CHAMP1: variants seen among roughly 807,000 people sequenced by gnomAD.
CHAMP1 encodes chromosome alignment-maintaining phosphoprotein 1.
A neutral mutation model predicts 54.5 loss-of-function variants in CHAMP1; 4 were observed. The ratio of observed to expected loss-of-function variants is 0.07; its 90% confidence interval spans 0.04 to 0.17. CHAMP1 has a LOEUF of 0.17. Ranked by LOEUF, CHAMP1 falls within the 10% of genes least tolerant of loss-of-function variation. CHAMP1 has a pLI of 1.00. For synonymous variants in CHAMP1, 368 were observed against 342.2 expected (o/e 1.08, Z -0.83); for missense variants, 994 against 968.6 (o/e 1.03, Z -0.35).
rs782243051 is a variant in CHAMP1 at position 114,325,451 on chromosome 13, A to G, written c.1609A>G (p.Thr537Ala). ...KPALFPEPAK[T>A]APPASPEARK... ...TGCCCTGTTTCCCGAGCCTGCCAAA[A>G]CAGCCCCTCCTGCTTCTCCAGAAGC... The change falls in exon 3 of 3, where the codon ACA becomes GCA. Residue 537 changes from threonine to alanine, a missense_variant. Coordinates refer to ENST00000361283, the MANE Select transcript of CHAMP1 (RefSeq NM_032436.4). 6.2e-7 allele frequency: 1 copy of G among 1,614,116 alleles called. No homozygotes were observed. Among genetic ancestry groups the G allele is most frequent in the Non-Finnish European group, 8.5e-7 (1 of 1,180,022 alleles).
intron 1 of CHAMP1, among the ~76,000 whole-genome samples, chr13:114,315,835 GTT>G (rs1194478086): frequency 4.6e-5 from 6 of 129,936 alleles, no homozygotes; most frequent in Admixed American, 7.7e-5. Context: ...GGCAAGTTTT[GTT>G]TTTTTTTTTT....
chr13:114,326,130 G>C lies in CHAMP1; in HGVS notation c.2288G>C (p.Ser763Thr). Residue 763 changes from serine to threonine, a missense_variant, in exon 3 of 3, where the codon AGT becomes ACT. Coordinates refer to ENST00000361283, the MANE Select transcript of CHAMP1 (RefSeq NM_032436.4). ...LKNHVAAHGQ[S>T]LLKCPRCNFE... ...AATCATGTAGCAGCCCATGGGCAAA[G>C]TTTACTTAAATGTCCACGTTGTAAT... 2.5e-6 allele frequency: 4 copies of C among 1,613,436 alleles called. No individual in the cohort carries two copies. Among genetic ancestry groups the C allele is most frequent in the Non-Finnish European group, 2.5e-6 (3 of 1,179,632 alleles).
chr13:114,323,979 C>T lies in CHAMP1; in HGVS notation c.137C>T (p.Ala46Val). The T allele has an allele frequency of 1.2e-6, 2 of 1,614,120 alleles. No homozygotes were observed. The highest frequency in any genetic ancestry group is 2.2e-5 in the East Asian group (1 of 44,880). Residue 46 changes from alanine (A) to valine (V), a missense_variant, in exon 3 of 3, where the codon GCT becomes GTT. Transcript: ENST00000361283. ...IHPEFCDEMD[A>V]GGLGKMIFYQ... The stretch of plus-strand genomic sequence containing the variant: ...CCAGAATTTTGTGATGAAATGGATG[C>T]TGGTGGGCTAGGCAAAATGATATTT...
chr13:114,322,816 C>T (rs2087191291), intron 2 of CHAMP1: 1 of 152,186 alleles, frequency 6.6e-6, no homozygotes, highest in Admixed American at 6.5e-5. Context: ...TCAATATATG[C>T]TTAGGACATT....
chr13:114,320,317 A>C (rs9590518), intron 1 of CHAMP1, among the ~76,000 whole-genome samples: 1 of 152,088 alleles, frequency 6.6e-6, no homozygotes, highest in Admixed American at 6.5e-5. Flanking sequence ...AAGCAGGTCC[A>C]TGTGTTCTTC....
At chr13:114,315,330 G>C (rs984162855) in intron 1 of CHAMP1, among the ~76,000 whole-genome samples, 3 of 152,152 alleles carry the variant, frequency 2.0e-5, no homozygotes, top group African/African-American at 7.2e-5. Flanking sequence ...GGGAAAGTAG[G>C]GTGGTGCAGC....
intron 2 of CHAMP1, among the ~76,000 whole-genome samples, chr13:114,321,567 T>G (rs1312409658): frequency 6.6e-6 from 1 of 152,198 alleles, no homozygotes; most frequent in Non-Finnish European, 1.5e-5. Flanking sequence ...TGTAATATAG[T>G]GCTCTTTAAT....
At chr13:114,323,345 C>T (rs2087196619) in intron 2 of CHAMP1, 1 of 152,832 alleles carries the variant, frequency 6.5e-6, no homozygotes, top group African/African-American at 2.4e-5. Flanking sequence ...AAGTTTTAGT[C>T]TCTTGTTCAT....
chr13:114,325,492 T>G lies in CHAMP1; in HGVS notation c.1650T>G (p.Leu550=), dbSNP rs782820739. 7.4e-6 allele frequency: 12 copies of G among 1,613,990 alleles called. No individual in the cohort carries two copies. The highest frequency in any genetic ancestry group is 1.0e-5 in the Non-Finnish European group (12 of 1,180,034). The change falls in exon 3 of 3, where the codon CTT becomes CTG. Residue 550 remains leucine, a synonymous_variant. Transcript: ENST00000361283. ...PASPEARKRA[L]FPEPRKHALF... is the part of the protein sequence containing the mutation. ...CTCCAGAAGCACGCAAACGTGCCCT[T>G]TTTCCAGAGCCCCGGAAGCATGCCC...
At position 114,325,318 on chromosome 13, in the gene CHAMP1, C is replaced by T. The variant is rs782678181; in HGVS notation, c.1476C>T (p.Val492=). The T allele has an allele frequency of 5.6e-6, 9 of 1,614,164 alleles. No individual in the cohort carries two copies. The highest frequency in any genetic ancestry group is 1.6e-4 in the Middle Eastern group (1 of 6,062). ...SSFFIEPQKP[V]FPETRKPGPS... is the part of the protein sequence containing the mutation. ...TTTTTATTGAGCCTCAGAAACCTGT[C>T]TTCCCTGAGACCCGAAAACCAGGTC... is the stretch of plus-strand genomic sequence containing the variant. Residue 492 remains valine (V), a synonymous_variant, in exon 3 of 3, where the codon GTC becomes GTT. Transcript: ENST00000361283.
chr13:114,321,728 A>G (rs938259040), intron 2 of CHAMP1, among the ~76,000 whole-genome samples: 4 of 152,140 alleles, frequency 2.6e-5, no homozygotes, highest in Admixed American at 2.6e-4. Context: ...TTTTCCATGC[A>G]TTCAATTACG....
chr13:114,319,798 G>A (rs2087145389), intron 1 of CHAMP1, among the ~76,000 whole-genome samples: 1 of 152,212 alleles, frequency 6.6e-6, no homozygotes, highest in African/African-American at 2.4e-5. Context: ...GAAGGAGTTT[G>A]CCTGATGGCC....
At chr13:114,322,880 C>T (rs1160768011) in intron 2 of CHAMP1, 1 of 152,206 alleles carries the variant, frequency 6.6e-6, no homozygotes, top group Non-Finnish European at 1.5e-5. Flanking sequence ...CACTCTGTAT[C>T]TCGTACTGTG....
chr13:114,317,563 G>T (rs2087115310), intron 1 of CHAMP1, among the ~76,000 whole-genome samples: 2 of 152,212 alleles, frequency 1.3e-5, no homozygotes, highest in Admixed American at 1.3e-4. Flanking sequence ...GTATGAGGCT[G>T]CAGTGAGTTG....
At position 114,324,487 on chromosome 13, in the gene CHAMP1, T is replaced by C. The variant is rs141043775; in HGVS notation, c.645T>C (p.Pro215=). ...PEPQKPAPVS[P]ESVKATLSNP... ...CACAGAAACCTGCCCCTGTATCTCC[T>C]GAGTCAGTAAAGGCTACTCTTAGTA... Residue 215 remains proline, a synonymous_variant, in exon 3 of 3, where the codon CCT becomes CCC. Transcript: ENST00000361283. 1 of 1,614,224 alleles carries C rather than the reference T, an allele frequency of 6.2e-7. No individual in the cohort carries two copies. The highest frequency in any genetic ancestry group is 2.2e-5 in the East Asian group (1 of 44,888).
At chr13:114,318,818 C>CTT (rs113206600) in intron 1 of CHAMP1, among the ~76,000 whole-genome samples, 4 of 62,890 alleles carry the variant, frequency 6.4e-5, no homozygotes, top group South Asian at 4.9e-4. Context: ...TTGTAAATGA[C>CTT]TTTTTTTTTT....
rs952799346 is a variant in CHAMP1, at chr13:114,314,559, C to T, written c.-263C>T. Reference sequence around the variant, plus strand: ...CGCCATTCGGGAGGCCGCTGCGCTGCAGGGCCTCGCGGAGCCGCCCGCGAC... The same window carrying T: ...CGCCATTCGGGAGGCCGCTGCGCTGTAGGGCCTCGCGGAGCCGCCCGCGAC... On this transcript the variant is annotated 5_prime_UTR_variant, in exon 1 of 3. Coordinates refer to ENST00000361283, the MANE Select transcript of CHAMP1 (RefSeq NM_032436.4). 35 of 151,894 alleles carry T rather than the reference C, an allele frequency of 2.3e-4. No individual in the cohort carries two copies. The highest frequency in any genetic ancestry group is 3.4e-3 in the Middle Eastern group (1 of 292). 9.4% of individuals were successfully genotyped at this position (151,894 alleles called of 1,614,324 possible).
Position 114,324,536 on chromosome 13 carries a change from C to G in CHAMP1, c.694C>G (p.His232Asp), listed in dbSNP as rs375912930. 1.2e-6 allele frequency: 2 copies of G among 1,614,036 alleles called. No homozygotes were observed. The highest frequency in any genetic ancestry group is 1.3e-5 in the African/African-American group (1 of 74,912). The change falls in exon 3 of 3, where the codon CAT becomes GAT. Residue 232 changes from histidine to aspartate, a missense_variant. His to Asp is a moderately conservative substitution (Grantham distance 81). Around this residue, in one of 3 missense-constraint regions of CHAMP1, gnomAD observed 851 missense variants for 701.3 expected, o/e 1.21. Coordinates refer to ENST00000361283, the MANE Select transcript of CHAMP1 (RefSeq NM_032436.4). ...TAATCCCAAACCCCAGAAGCAGTCT[C>G]ATTTCCCGGAAACATTGGGGCCACC... ...LSNPKPQKQS[H>D]FPETLGPPSA...
chr13:114,317,449 G>T (rs999385358), intron 1 of CHAMP1, among the ~76,000 whole-genome samples: 13 of 152,082 alleles, frequency 8.5e-5, no homozygotes, highest in African/African-American at 3.1e-4. Flanking sequence ...AACATAGTGA[G>T]ACCTCATCGC....
Sources: allele counts gnomAD v4.1 joint callset (sites outside exome capture counted in the v4.1 genomes callset), GRCh38; gene constraint gnomAD v4.1.1; regional missense constraint gnomAD v4.1.1; transcripts MANE v1.5; gene names NCBI Gene and HGNC (gene_info 2026-07-23, HGNC 2026-07-21).